Variants in EXT2 observed in about 807,000 individuals in gnomAD.
EXT2 encodes the protein exostosin glycosyltransferase 2.
Under a neutral mutation model 81.6 loss-of-function variants are expected in EXT2, and 53 were observed. The observed-to-expected ratio is 0.65, with a 90% confidence interval of 0.52 to 0.82. EXT2 has a LOEUF of 0.82. Ranked by LOEUF, EXT2 falls within the 40% of genes least tolerant of loss-of-function variation. The pLI is 0.00. For synonymous variants in EXT2, 320 were observed against 340.0 expected (o/e 0.94, Z 0.65); for missense variants, 774 against 910.2 (o/e 0.85, Z 1.93).
At chr11:44,236,697 ACTGGATTATTTTTCAGG>A (rs1955969375) in intron 13 of EXT2, among the ~76,000 whole-genome samples, 1 of 152,230 alleles carries the variant, frequency 6.6e-6, no homozygotes, top group Admixed American at 6.5e-5. Flanking sequence ...CCAAGGAAAT[ACTGGATTATTTTTCAGG>A]GTAATAGCTC....
chr11:44,196,774 G>A (rs1217865466), intron 8 of EXT2, among the ~76,000 whole-genome samples: 1 of 152,150 alleles, frequency 6.6e-6, no homozygotes, highest in Non-Finnish European at 1.5e-5. Context: ...TGTTGATGCT[G>A]TTTGAATTTC....
intron 10 of EXT2, among the ~76,000 whole-genome samples, chr11:44,208,790 A>G (rs1955613520): frequency 6.6e-6 from 1 of 152,234 alleles, no homozygotes. Flanking sequence ...TTATAGTCAC[A>G]TAGCTAATAA....
intron 8 of EXT2, among the ~76,000 whole-genome samples, chr11:44,178,253 G>A (rs1272306295): frequency 2.6e-5 from 4 of 152,174 alleles, no homozygotes; most frequent in African/African-American, 7.2e-5. Flanking sequence ...TCTGGGGTAG[G>A]AACCTAGAAT....
chr11:44,174,730 T>C (rs1327433325), intron 8 of EXT2, among the ~76,000 whole-genome samples: 1 of 152,224 alleles, frequency 6.6e-6, no homozygotes, highest in Non-Finnish European at 1.5e-5. Context: ...TTTTATCTAA[T>C]TGCATTGGCT....
At chr11:44,218,105 T>C (rs1471240681) in intron 10 of EXT2, among the ~76,000 whole-genome samples, 1 of 152,220 alleles carries the variant, frequency 6.6e-6, no homozygotes, top group Non-Finnish European at 1.5e-5. Context: ...TAAAACCTCC[T>C]GAGTGCTAAT....
At chr11:44,107,639 A>G (rs1182806368) in intron 1 of EXT2, 44 bp from the exon 2 acceptor site, 2 of 1,557,046 alleles carry the variant, frequency 1.3e-6, no homozygotes, top group Non-Finnish European at 1.7e-6. Flanking sequence ...GTCATTTGCC[A>G]TCCTAAATAC....
chr11:44,234,179 T>A lies in EXT2; in HGVS notation c.1871T>A (p.Met624Lys), dbSNP rs1196807189. The A allele has an allele frequency of 6.2e-7, 1 of 1,614,094 alleles. No homozygotes were observed. Among genetic ancestry groups the A allele is most frequent in the African/African-American group, 1.3e-5 (1 of 74,948 alleles). ...GDIKNWVDAH[M>K]NCEDIAMNFL... Reference sequence around the variant, plus strand: ...ATCAAGAACTGGGTAGATGCTCATATGAACTGTGAAGATATTGCCATGAAC... The same window carrying A: ...ATCAAGAACTGGGTAGATGCTCATAAGAACTGTGAAGATATTGCCATGAAC... Residue 624 changes from methionine (M) to lysine (K), a missense_variant, in exon 12 of 14, where the codon ATG (methionine) becomes AAG (lysine). This residue lies in a region of EXT2 where 148 missense variants were observed against 239.7 expected (regional missense o/e 0.62). Coordinates refer to ENST00000533608, the MANE Select transcript of EXT2 (RefSeq NM_207122.2).
At chr11:44,124,105 C>T (rs931895114) in intron 4 of EXT2, among the ~76,000 whole-genome samples, 2 of 152,250 alleles carry the variant, frequency 1.3e-5, no homozygotes, top group African/African-American at 4.8e-5. Context: ...TTCTTTTACA[C>T]ATCCTTGCCA....
chr11:44,096,187 C>G (rs1953892537), intron 1 of EXT2: 1 of 1,466,164 alleles, frequency 6.8e-7, no homozygotes, highest in East Asian at 2.5e-5. Flanking sequence ...CCGCCCTCCG[C>G]CGTGACCCCT....
intron 7 of EXT2, among the ~76,000 whole-genome samples, chr11:44,153,631 G>C (rs1954821184): frequency 6.6e-6 from 1 of 152,050 alleles, no homozygotes; most frequent in Non-Finnish European, 1.5e-5. Flanking sequence ...TCATCATTAT[G>C]ATATAAGCAG....
chr11:44,170,176 G>A (rs1187542812), intron 7 of EXT2, among the ~76,000 whole-genome samples: 1 of 152,014 alleles, frequency 6.6e-6, no homozygotes, highest in African/African-American at 2.4e-5. Flanking sequence ...CGCAGTCAAA[G>A]TGCAGTCAAA....
chr11:44,170,197 G>C (rs1186428067), intron 7 of EXT2, among the ~76,000 whole-genome samples: 1 of 151,940 alleles, frequency 6.6e-6, no homozygotes, highest in Non-Finnish European at 1.5e-5. Context: ...GTAGAAATCA[G>C]TAACAGAAAG....
rs34783168 is a variant in EXT2, at chr11:44,245,861, AG to A, written c.*1579del. On this transcript the variant is annotated 3_prime_UTR_variant, in exon 14 of 14. Transcript: ENST00000533608. ...TCGAATCATGGACTATTATTGCCAA[AG>A]GGGGCAAGCGATCATCTCATCCAGT... is the stretch of plus-strand genomic sequence containing the variant. Among the ~76,000 whole-genome samples the A allele has an allele frequency of 6.6e-6, 1 of 152,246 alleles. No homozygotes were observed. Among genetic ancestry groups the A allele is most frequent in the Non-Finnish European group, 1.5e-5 (1 of 68,036 alleles).
At chr11:44,167,088 C>T (rs1019567620) in intron 7 of EXT2, among the ~76,000 whole-genome samples, 1 of 152,138 alleles carries the variant, frequency 6.6e-6, no homozygotes, top group Non-Finnish European at 1.5e-5. Context: ...ACGGTACTTG[C>T]CAATTCTCTA....
intron 2 of EXT2, among the ~76,000 whole-genome samples, chr11:44,108,968 C>T (rs1018664396): frequency 6.6e-6 from 1 of 152,118 alleles, no homozygotes; most frequent in Non-Finnish European, 1.5e-5. Context: ...TTATTAGAAG[C>T]AGGTCTGTAT....
chr11:44,174,859 A>G (rs1033257153), intron 8 of EXT2, among the ~76,000 whole-genome samples: 1 of 152,332 alleles, frequency 6.6e-6, no homozygotes, highest in Non-Finnish European at 1.5e-5. Context: ...TCAAAGATAC[A>G]GAGGGACAGG....
In EXT2 at chr11:44,108,155, A is replaced by C. The variant is rs781058452; in HGVS notation, c.443A>C (p.Asn148Thr). Residue 148 changes from asparagine to threonine, a missense_variant, in exon 2 of 14, where the codon AAC (asparagine) becomes ACC (threonine). Asn to Thr is a moderately conservative substitution (Grantham distance 65, BLOSUM62 0). Around this residue, in one of 2 missense-constraint regions of EXT2, gnomAD observed 626 missense variants for 670.5 expected, o/e 0.93. Coordinates refer to ENST00000533608, the MANE Select transcript of EXT2 (RefSeq NM_207122.2). ...AGTGACTACTACACTGATGACATCA[A>C]CCGGGCCTGTCTGTTTGTTCCCTCC... The part of the protein sequence containing the change: ...SDSDYYTDDI[N>T]RACLFVPSID... 6.2e-7 allele frequency: 1 copy of C among 1,614,110 alleles called. No individual in the cohort carries two copies. The highest frequency in any genetic ancestry group is 1.1e-5 in the South Asian group (1 of 91,084).
intron 7 of EXT2, among the ~76,000 whole-genome samples, chr11:44,155,504 A>T (rs4755785): frequency 0.91 from 138,167 of 151,244 alleles, 63,190 homozygotes; most frequent in East Asian, 0.99. Context: ...GATTTTTTTT[A>T]TAGTTTAAGG....
chr11:44,148,817 G>C (rs1954755048), intron 7 of EXT2, among the ~76,000 whole-genome samples: 1 of 152,172 alleles, frequency 6.6e-6, no homozygotes, highest in Non-Finnish European at 1.5e-5. Context: ...TGCTGATAGT[G>C]ATGATGGTGA....
Sources: gnomAD v4.1 joint callset for allele counts (sites outside exome capture counted in the v4.1 genomes callset) on GRCh38, gnomAD v4.1.1 for gene constraint, gnomAD v4.1.1 regional missense constraint, MANE v1.5 for transcripts, NCBI Gene and HGNC (gene_info 2026-07-23, HGNC 2026-07-21) for gene names.